GPR35: variants seen among roughly 807,000 people sequenced by gnomAD.
The protein encoded by GPR35 is KYNA receptor.
For synonymous variants in GPR35, 207 were observed against 198.4 expected, an observed-to-expected ratio of 1.04 and a Z score of -0.36; for missense variants, 372 against 422.5, an observed-to-expected ratio of 0.88 and a Z score of 1.05.
chr2:240,625,877 A>G (rs1575468266), intron 1 of GPR35, among the ~76,000 whole-genome samples: 1 of 62,188 alleles, frequency 1.6e-5, no homozygotes, highest in Non-Finnish European at 3.2e-5. Flanking sequence ...GAGTGGGGTG[A>G]GGCTGTGATG....
intron 5 of GPR35, among the ~76,000 whole-genome samples, chr2:240,619,377 A>G (rs2043269042): frequency 6.6e-6 from 1 of 152,212 alleles, no homozygotes; most frequent in Admixed American, 6.5e-5. Context: ...TCCCATCTCT[A>G]TCAGCAGGCG....
chr2:240,627,361 G>A (rs1460662304), intron 1 of GPR35: 2 of 152,240 alleles, frequency 1.3e-5, no homozygotes, highest in South Asian at 2.1e-4. Context: ...GCACTTCTTC[G>A]AAGCCTACGT....
rs372947090 is a variant in GPR35 at position 240,630,117 on chromosome 2, C to T, written c.165C>T (p.Thr55=). The stretch of plus-strand genomic sequence containing the variant: ...GCCGCATGCAGCAGTGGACGGAGAC[C>T]CGCATCTACATGACCAACCTGGCGG... ...FCCRMQQWTE[T]RIYMTNLAVA... is the part of the protein sequence containing the mutation. Residue 55 remains threonine, a synonymous_variant, in exon 2 of 2, where the codon ACC becomes ACT. Coordinates refer to ENST00000407714, the MANE Select transcript of GPR35 (RefSeq NM_005301.5). The T allele has an allele frequency of 5.8e-4, 936 of 1,606,872 alleles. 19 individuals carry two copies. The South Asian group carries it at 9.1e-3, about 16-fold the overall frequency.
At chr2:240,613,911 T>A (rs1034402785) in intron 2 of GPR35, among the ~76,000 whole-genome samples, 3 of 140,382 alleles carry the variant, frequency 2.1e-5, no homozygotes, top group Non-Finnish European at 4.6e-5. Context: ...TAACACTAAC[T>A]CCAACAACCA....
chr2:240,629,139 A>G (rs756920409), intron 1 of GPR35: 1 of 152,310 alleles, frequency 6.6e-6, no homozygotes, highest in Non-Finnish European at 1.5e-5. Context: ...TGGAGGGGTG[A>G]CTTTGTGGGT....
At chr2:240,611,164 C>T (rs2043179539) in intron 2 of GPR35, among the ~76,000 whole-genome samples, 2 of 151,608 alleles carry the variant, frequency 1.3e-5, no homozygotes, top group Admixed American at 1.3e-4. Context: ...ATGGGGATTT[C>T]CCTATGTTGG....
chr2:240,624,423 G>A (rs139009792), upstream of GPR35, among the ~76,000 whole-genome samples: 186 of 152,290 alleles, frequency 1.2e-3, 1 homozygote, highest in Non-Finnish European at 1.5e-3. Context: ...AACCAGGCCC[G>A]GGATGACAGC....
chr2:240,622,901 C>T (rs1028250495), upstream of GPR35, among the ~76,000 whole-genome samples: 3 of 152,208 alleles, frequency 2.0e-5, no homozygotes, highest in African/African-American at 7.2e-5. Flanking sequence ...ACCCTGGCTG[C>T]CAGTTCTCCG....
rs1466518049 is a variant in GPR35, at chr2:240,630,821, C to G, written c.869C>G (p.Ala290Gly). The change falls in exon 2 of 2, where the codon GCC becomes GGC. Residue 290 changes from alanine to glycine, a missense_variant. Transcript: ENST00000407714. ...GAGTTCCAGGAGGCGTCTGCACTGG[C>G]CGTGGCTCCCAGTGCTAAGGCCCAC... ...AKEFQEASAL[A>G]VAPSAKAHKS... 2 of 1,613,102 alleles carry G rather than the reference C, an allele frequency of 1.2e-6. No homozygotes were observed. Among genetic ancestry groups the G allele is most frequent in the Non-Finnish European group, 1.7e-6 (2 of 1,180,000 alleles).
Position 240,630,691 on chromosome 2 carries a change from G to C in GPR35, c.739G>C (p.Ala247Pro). The C allele has an allele frequency of 6.2e-7, 1 of 1,613,432 alleles. No homozygotes were observed. Among genetic ancestry groups the C allele is most frequent in the Non-Finnish European group, 8.5e-7 (1 of 1,180,018 alleles). Reference protein sequence around the residue: ...LTVRLAVGWNACALLETIRRA... With the variant: ...LTVRLAVGWNPCALLETIRRA... ...AGTGCGCCTCGCAGTGGGCTGGAACGCCTGTGCCCTCCTGGAGACGATCCG... is the reference window on the plus strand; with the variant it reads ...AGTGCGCCTCGCAGTGGGCTGGAACCCCTGTGCCCTCCTGGAGACGATCCG... Residue 247 changes from alanine to proline, a missense_variant, in exon 2 of 2, where the codon GCC becomes CCC. Coordinates refer to ENST00000407714, the MANE Select transcript of GPR35 (RefSeq NM_005301.5).
chr2:240,620,927 C>G (rs2043286336), upstream of GPR35, among the ~76,000 whole-genome samples: 1 of 152,228 alleles, frequency 6.6e-6, no homozygotes, highest in African/African-American at 2.4e-5. Flanking sequence ...GTGTCCTGGT[C>G]CCCAGCCCCT....
chr2:240,616,741 T>A (rs1359660387), intron 3 of GPR35, among the ~76,000 whole-genome samples: 65 of 99,864 alleles, frequency 6.5e-4, no homozygotes, highest in East Asian at 1.9e-3. Context: ...AACAATACAG[T>A]AAAAAAAAAA....
chr2:240,606,849 T>C (rs1471351492), intron 2 of GPR35, among the ~76,000 whole-genome samples: 1 of 152,154 alleles, frequency 6.6e-6, no homozygotes, highest in Non-Finnish European at 1.5e-5. Flanking sequence ...CTGAGTCTTA[T>C]CTCCTGGGCA....
chr2:240,611,786 G>A (rs532370113), intron 2 of GPR35, among the ~76,000 whole-genome samples: 86 of 152,256 alleles, frequency 5.6e-4, no homozygotes, highest in Non-Finnish European at 1.1e-3. Flanking sequence ...GGCAGTGTCC[G>A]GGGCTGGAGC....
chr2:240,618,950 G>C (rs1471904065), exon 5 of GPR35: 2 of 702,440 alleles, frequency 2.8e-6, no homozygotes, highest in South Asian at 1.5e-5. Context: ...GAGATGCTGA[G>C]TGGTTCCCGG....
chr2:240,626,865 G>C (rs2043384267), intron 1 of GPR35, among the ~76,000 whole-genome samples: 1 of 152,216 alleles, frequency 6.6e-6, no homozygotes, highest in Admixed American at 6.5e-5. Context: ...TCCAGACAGG[G>C]GGAAGGGCTG....
intron 2 of GPR35, among the ~76,000 whole-genome samples, chr2:240,615,985 C>T (rs902671995): frequency 3.3e-5 from 5 of 152,204 alleles, no homozygotes; most frequent in East Asian, 1.9e-4. Context: ...CAGGCCCAAC[C>T]GCAGTTGTTG....
chr2:240,606,904 T>C (rs779458256), intron 2 of GPR35, among the ~76,000 whole-genome samples: 20 of 152,190 alleles, frequency 1.3e-4, no homozygotes, highest in Non-Finnish European at 2.5e-4. Flanking sequence ...AACATACATA[T>C]GTTTGAAATC....
intron 3 of GPR35, chr2:240,616,925 A>G (rs1198025420): frequency 1.3e-6 from 1 of 769,472 alleles, no homozygotes; most frequent in South Asian, 1.4e-5. Flanking sequence ...ACCAGGGAAG[A>G]TTTGGGGTCC....
Sources: allele counts gnomAD v4.1 joint callset (sites outside exome capture counted in the v4.1 genomes callset), GRCh38; gene constraint gnomAD v4.1.1; transcripts MANE v1.5; gene names NCBI Gene and HGNC (gene_info 2026-07-23, HGNC 2026-07-21).